NARS2: variants seen among roughly 807,000 people sequenced by gnomAD.
The protein encoded by NARS2 is asparaginyl-tRNA synthetase 2, mitochondrial.
In NARS2, 60 loss-of-function variants were observed where a neutral mutation model predicts 62.9. The ratio of observed to expected loss-of-function variants is 0.95; its 90% CI spans 0.77 to 1.18. The LOEUF (loss-of-function observed/expected upper bound fraction) is 1.18. Ranked by LOEUF, NARS2 falls within the 50% of genes most tolerant of loss-of-function variation. NARS2 has a pLI of 0.00. For synonymous variants in NARS2, 196 were observed against 200.0 expected, an observed-to-expected ratio of 0.98 and a Z score of 0.17; for missense variants, 619 against 576.4, an observed-to-expected ratio of 1.07 and a Z score of -0.76.
intron 5 of NARS2, among the ~76,000 whole-genome samples, chr11:78,530,528 C>G (rs1861439157): frequency 1.3e-5 from 2 of 152,134 alleles, no homozygotes; most frequent in South Asian, 4.1e-4. Flanking sequence ...GGCTGAAGTG[C>G]AGTGGCGCGA....
At chr11:78,519,882 A>G (rs1247497729) in intron 6 of NARS2, among the ~76,000 whole-genome samples, 1 of 151,932 alleles carries the variant, frequency 6.6e-6, no homozygotes, top group Non-Finnish European at 1.5e-5. Flanking sequence ...TTTAGTAGAG[A>G]CGGGGTTTCA....
intron 5 of NARS2, among the ~76,000 whole-genome samples, chr11:78,537,176 C>T (rs1007929198): frequency 3.3e-5 from 5 of 152,040 alleles, no homozygotes; most frequent in East Asian, 1.9e-4. Context: ...CATCGTTAAG[C>T]GACACATGAC....
intron 6 of NARS2, among the ~76,000 whole-genome samples, chr11:78,525,669 C>G (rs1861270150): frequency 6.6e-6 from 1 of 152,092 alleles, no homozygotes; most frequent in African/African-American, 2.4e-5. Context: ...ACTCCATCTC[C>G]CTCTTCCCAA....
intron 12 of NARS2, 39 bp from the exon 13 acceptor site, chr11:78,441,156 A>G (rs1565200249): frequency 1.9e-6 from 3 of 1,578,246 alleles, no homozygotes; most frequent in Non-Finnish European, 2.6e-6. Flanking sequence ...GGGAACGGCA[A>G]TAAGATAAAT....
chr11:78,502,206 A>G lies in NARS2; in HGVS notation c.690-9011T>C, dbSNP rs954927201. On this transcript the variant is annotated intron_variant, in intron 6 of 13. Transcript: ENST00000281038. Reference sequence around the variant, plus strand: ...AGTACACTATTTTACATGAGTTGTTATAACAAAATATCACAGACTGGGTGC... The same window carrying G: ...AGTACACTATTTTACATGAGTTGTTGTAACAAAATATCACAGACTGGGTGC... Among the ~76,000 whole-genome samples, 7 of 152,228 alleles carry G rather than the reference A, an allele frequency of 4.6e-5. No individual in the cohort carries two copies. The South Asian group carries it at 6.2e-4, about 14-fold the overall frequency.
intron 7 of NARS2, 80 bp from the exon 8 acceptor site, chr11:78,478,763 A>G (rs1384311223): frequency 1.4e-6 from 1 of 725,678 alleles, no homozygotes. Context: ...TAAGGACCGC[A>G]TTCCAGGCTT....
intron 10 of NARS2, among the ~76,000 whole-genome samples, chr11:78,467,086 T>G (rs1858653002): frequency 6.6e-6 from 1 of 152,194 alleles, no homozygotes; most frequent in African/African-American, 2.4e-5. Flanking sequence ...GTACAAGGAA[T>G]AGTTTAAACA....
At chr11:78,563,885 G>A (rs183049389) in intron 4 of NARS2, among the ~76,000 whole-genome samples, 9 of 82,050 alleles carry the variant, frequency 1.1e-4, no homozygotes, top group African/African-American at 4.2e-4. Context: ...CACACACACA[G>A]TATTATTATT....
chr11:78,542,816 TTGAGCTCAGGAGGTCAA>T (rs780269821), intron 5 of NARS2, among the ~76,000 whole-genome samples: 150 of 152,278 alleles, frequency 9.9e-4, no homozygotes, highest in Non-Finnish European at 1.2e-3. Flanking sequence ...GGTGGATCAC[TTGAGCTCAGGAGGTCAA>T]GGCTGCAGAC....
chr11:78,458,199 T>C lies in NARS2; in HGVS notation c.1164+7677A>G, dbSNP rs138573890. ...AATTACCCTAATTTGATCAGTATTA[T>C]ATACATACACCAAAATACCATTCTA... On this transcript the variant is annotated intron_variant, in intron 11 of 13. Transcript: ENST00000281038. Among the ~76,000 whole-genome samples, 576 of 152,332 alleles carry C rather than the reference T, an allele frequency of 3.8e-3. 3 individuals carry two copies. Among genetic ancestry groups the C allele is most frequent in the African/African-American group, 0.013 (559 of 41,568 alleles).
At chr11:78,510,737 T>C (rs977565477) in intron 6 of NARS2, among the ~76,000 whole-genome samples, 2 of 152,210 alleles carry the variant, frequency 1.3e-5, no homozygotes, top group African/African-American at 4.8e-5. Flanking sequence ...ATGTACTTAA[T>C]GTCACTGAAC....
intron 6 of NARS2, among the ~76,000 whole-genome samples, chr11:78,518,666 C>T (rs1457468530): frequency 2.0e-5 from 3 of 151,982 alleles, no homozygotes; most frequent in African/African-American, 7.3e-5. Flanking sequence ...TACAGGCGCC[C>T]GCCACCACGC....
chr11:78,526,612 T>C (rs944978408), intron 6 of NARS2, among the ~76,000 whole-genome samples: 3 of 152,166 alleles, frequency 2.0e-5, no homozygotes, highest in Admixed American at 1.3e-4. Flanking sequence ...GTACAAATAC[T>C]TCATGGCACA....
At chr11:78,505,778 A>C (rs564178135) in intron 6 of NARS2, among the ~76,000 whole-genome samples, 2 of 152,326 alleles carry the variant, frequency 1.3e-5, no homozygotes, top group East Asian at 3.9e-4. Context: ...TAAAATCCCT[A>C]GGAAAAAACA....
chr11:78,525,834 G>T (rs1164637088), intron 6 of NARS2, among the ~76,000 whole-genome samples: 2 of 152,064 alleles, frequency 1.3e-5, no homozygotes, highest in Non-Finnish European at 2.9e-5. Context: ...TGGATATCAC[G>T]TATCCACTGA....
At chr11:78,481,863 C>CT (rs1040581702) in intron 7 of NARS2, among the ~76,000 whole-genome samples, 2 of 152,120 alleles carry the variant, frequency 1.3e-5, no homozygotes, top group African/African-American at 4.8e-5. Context: ...GGACAGCACA[C>CT]TTTTTTCTAG....
At chr11:78,493,231 C>T in intron 6 of NARS2, 36 bp from the exon 7 acceptor site, 1 of 1,568,052 alleles carries the variant, frequency 6.4e-7, no homozygotes, top group South Asian at 1.1e-5. Context: ...AAATAGAATT[C>T]ACATGATTAA....
At chr11:78,544,018 CAAAA>C (rs10688131) in intron 5 of NARS2, among the ~76,000 whole-genome samples, 1 of 73,918 alleles carries the variant, frequency 1.4e-5, no homozygotes, top group African/African-American at 5.7e-5. Context: ...GACTCTGTCT[CAAAA>C]AAAAAAAAAA....
In NARS2 at chr11:78,493,059, C is replaced by A; in HGVS notation, c.822+4G>T. Reference sequence around the variant, plus strand: ...ACCTGGTATTTTAAAACTTGTGTACCTACCTGCATAAGATCTTGAAGGCTG... The same window carrying A: ...ACCTGGTATTTTAAAACTTGTGTACATACCTGCATAAGATCTTGAAGGCTG... On this transcript the variant is annotated splice_donor_region_variant and intron_variant, in intron 7 of 13. Transcript: ENST00000281038. 6.2e-7 allele frequency: 1 copy of A among 1,605,294 alleles called. No individual in the cohort carries two copies. Among genetic ancestry groups the A allele is most frequent in the South Asian group, 1.1e-5 (1 of 89,770 alleles).
Sources: allele counts gnomAD v4.1 joint callset (sites outside exome capture counted in the v4.1 genomes callset), GRCh38; gene constraint gnomAD v4.1.1; transcripts MANE v1.5; gene names NCBI Gene and HGNC (gene_info 2026-07-23, HGNC 2026-07-21).